Variants in DNAAF4 observed in about 807,000 individuals in gnomAD.
DNAAF4 encodes the protein dynein axonemal assembly factor 4, also known as dynein assembly factor 4, axonemal.
Under a neutral mutation model 51.8 loss-of-function variants are expected in DNAAF4, and 43 were observed. The ratio of observed to expected loss-of-function variants is 0.83; its 90% confidence interval spans 0.65 to 1.07. The LOEUF (loss-of-function observed/expected upper bound fraction) is 1.07, where lower values mean the gene tolerates loss of function less well. Among genes scored for constraint, DNAAF4 ranks in the 50% least tolerant of loss-of-function variants. The pLI is 0.00. For synonymous variants in DNAAF4, 194 were observed against 165.6 expected (o/e 1.17, Z -1.32); for missense variants, 581 against 493.0 (o/e 1.18, Z -1.69).
At chr15:55,474,552 A>T (rs1567024108) in intron 4 of DNAAF4, among the ~76,000 whole-genome samples, 1 of 151,936 alleles carries the variant, frequency 6.6e-6, no homozygotes, top group Admixed American at 6.6e-5. Context: ...AAAAAAGATC[A>T]ACTTATACAA....
At chr15:55,472,930 C>G (rs538580403) in intron 4 of DNAAF4, among the ~76,000 whole-genome samples, 1 of 152,006 alleles carries the variant, frequency 6.6e-6, no homozygotes, top group African/African-American at 2.4e-5. Context: ...CTTTGGGAAG[C>G]CGAGTCAGGC....
chr15:55,478,334 C>T (rs1032936017), intron 4 of DNAAF4, among the ~76,000 whole-genome samples: 9 of 152,194 alleles, frequency 5.9e-5, no homozygotes, highest in Non-Finnish European at 1.3e-4. Flanking sequence ...TACCAAGCTG[C>T]CCAGTCCCCT....
intron 5 of DNAAF4, among the ~76,000 whole-genome samples, chr15:55,463,694 CA>C (rs1243550335): frequency 6.6e-6 from 1 of 151,700 alleles, no homozygotes; most frequent in Non-Finnish European, 1.5e-5. Context: ...ACAACAGCTG[CA>C]AAAAAACCCA....
chr15:55,454,613 A>G (rs1353463694), intron 5 of DNAAF4, among the ~76,000 whole-genome samples: 1 of 152,048 alleles, frequency 6.6e-6, no homozygotes, highest in Non-Finnish European at 1.5e-5. Context: ...CCTGGTCTCA[A>G]GTAATTCGCC....
intron 6 of DNAAF4, 102 bp downstream of exon 6, chr15:55,450,120 A>T (rs1293634856): frequency 8.7e-6 from 11 of 1,266,774 alleles, no homozygotes; most frequent in Non-Finnish European, 1.1e-5. Flanking sequence ...CTTTAGTGTA[A>T]TAAATACTTA....
At chr15:55,480,766 C>T (rs537330639) in intron 4 of DNAAF4, among the ~76,000 whole-genome samples, 30 of 152,322 alleles carry the variant, frequency 2.0e-4, no homozygotes, top group Admixed American at 4.6e-4. Context: ...GCTTGGAAGA[C>T]ACTGCCCAAA....
chr15:55,419,671 T>C (rs1204190002), intron 7 of DNAAF4, among the ~76,000 whole-genome samples: 1 of 152,160 alleles, frequency 6.6e-6, no homozygotes, highest in African/African-American at 2.4e-5. Flanking sequence ...CAAATAGAGA[T>C]ACAGAAATAA....
intron 5 of DNAAF4, among the ~76,000 whole-genome samples, chr15:55,463,480 A>C (rs2058124476): frequency 6.6e-6 from 1 of 152,206 alleles, no homozygotes; most frequent in Non-Finnish European, 1.5e-5. Flanking sequence ...TAAATCAGTA[A>C]GGAGGAAGTC....
intron 6 of DNAAF4, among the ~76,000 whole-genome samples, chr15:55,449,594 G>A (rs1051164271): frequency 4.6e-5 from 7 of 151,048 alleles, no homozygotes; most frequent in Non-Finnish European, 7.4e-5. Context: ...AACCTGGGAG[G>A]AGGAGGTTGC....
chr15:55,471,088 T>G (rs1318666914), intron 4 of DNAAF4, among the ~76,000 whole-genome samples: 2 of 151,872 alleles, frequency 1.3e-5, no homozygotes, highest in Admixed American at 6.6e-5. Context: ...CTTGAGCTCC[T>G]GGGCTCAAGC....
At chr15:55,460,488 C>G (rs1404810143) in intron 5 of DNAAF4, among the ~76,000 whole-genome samples, 1 of 151,752 alleles carries the variant, frequency 6.6e-6, no homozygotes, top group Non-Finnish European at 1.5e-5. Context: ...CCGGAATTCT[C>G]AAATTTATAA....
chr15:55,465,007 A>G (rs1006379897), intron 5 of DNAAF4, among the ~76,000 whole-genome samples: 2 of 152,280 alleles, frequency 1.3e-5, no homozygotes, highest in Non-Finnish European at 2.9e-5. Flanking sequence ...AAAATGCTCA[A>G]CACCGCTAAT....
At chr15:55,467,792 T>G (rs2058191401) in intron 4 of DNAAF4, among the ~76,000 whole-genome samples, 1 of 152,204 alleles carries the variant, frequency 6.6e-6, no homozygotes. Flanking sequence ...TGTCTGACAC[T>G]TTCAAAGAGC....
At chr15:55,486,045 G>A (rs1273707229) in intron 4 of DNAAF4, among the ~76,000 whole-genome samples, 3 of 150,104 alleles carry the variant, frequency 2.0e-5, no homozygotes, top group Non-Finnish European at 4.4e-5. Context: ...TTAGCGAAGA[G>A]GAAAAAAAAG....
intron 1 of DNAAF4, among the ~76,000 whole-genome samples, chr15:55,506,958 T>C (rs1482219712): frequency 6.6e-6 from 1 of 152,138 alleles, no homozygotes; most frequent in African/African-American, 2.4e-5. Context: ...CAAGCGATTC[T>C]CCTGTCTCAG....
chr15:55,481,910 T>G (rs1479256238), intron 4 of DNAAF4, among the ~76,000 whole-genome samples: 5 of 152,154 alleles, frequency 3.3e-5, no homozygotes, highest in Non-Finnish European at 7.4e-5. Context: ...CAGCCTCTGA[T>G]TAGTAATGGG....
chr15:55,494,663 C>T (rs192113095), intron 3 of DNAAF4, among the ~76,000 whole-genome samples: 34 of 152,194 alleles, frequency 2.2e-4, no homozygotes, highest in African/African-American at 7.7e-4. Flanking sequence ...TCACCTGCCT[C>T]GGCCTCCCAA....
chr15:55,497,522 C>A (rs530880617), intron 3 of DNAAF4, among the ~76,000 whole-genome samples, 190 bp downstream of exon 3: 1 of 152,134 alleles, frequency 6.6e-6, no homozygotes, highest in Admixed American at 6.5e-5. Context: ...ATCCCTTGAA[C>A]CCCGGGGGCA....
At chr15:55,500,819 C>T (rs2058693148) in intron 1 of DNAAF4, among the ~76,000 whole-genome samples, 2 of 151,736 alleles carry the variant, frequency 1.3e-5, no homozygotes, top group South Asian at 4.2e-4. Context: ...ATAGAGAAAG[C>T]TCGTTTCTAC....
Sources: allele counts gnomAD v4.1 joint callset (sites outside exome capture counted in the v4.1 genomes callset), GRCh38; gene constraint gnomAD v4.1.1; transcripts MANE v1.5; gene names NCBI Gene and HGNC (gene_info 2026-07-23, HGNC 2026-07-21).